Variants in KCND3 observed in about 807,000 individuals in gnomAD.
KCND3 encodes the protein A-type voltage-gated potassium channel KCND3.
KCND3 carries 9 observed loss-of-function variants against 51.1 expected under a neutral mutation model. The ratio of observed to expected loss-of-function variants is 0.18; its 90% CI spans 0.11 to 0.31. The LOEUF (loss-of-function observed/expected upper bound fraction) is 0.31, where lower values mean the gene tolerates loss of function less well. Ranked by LOEUF, KCND3 falls within the 10% of genes least tolerant of loss-of-function variation. The pLI is 1.00. For synonymous variants in KCND3, 349 were observed against 368.0 expected, an observed-to-expected ratio of 0.95 and a Z score of 0.59; for missense variants, 526 against 903.8, an observed-to-expected ratio of 0.58 and a Z score of 5.36.
intron 2 of KCND3, among the ~76,000 whole-genome samples, chr1:111,865,142 G>A (rs1668501242): frequency 1.3e-5 from 2 of 152,206 alleles, no homozygotes; most frequent in African/African-American, 4.8e-5. Context: ...ACTTTAAGCT[G>A]TTATATTCAC....
rs1675037748 is a variant in KCND3 at position 111,982,782 on chromosome 1, A to C, written c.-56T>G. The C allele has an allele frequency of 1.3e-6, 2 of 1,558,208 alleles. No individual in the cohort carries two copies. Among genetic ancestry groups the C allele is most frequent in the East Asian group, 2.4e-5 (1 of 42,314 alleles). ...GCGGACGCTAGGCACACCAGCTTGG[A>C]GTTAGTTCAGCAAACCCTGGGAGAC... On this transcript the variant is annotated 5_prime_UTR_variant, in exon 2 of 8. Coordinates refer to ENST00000302127, the MANE Select transcript of KCND3 (RefSeq NM_001378969.1). The surrounding 1 kb of genome is among the most constrained non-coding windows in gnomAD (Gnocchi z 8.5).
At chr1:111,856,150 G>A (rs1394889504) in intron 2 of KCND3, among the ~76,000 whole-genome samples, 4 of 152,258 alleles carry the variant, frequency 2.6e-5, no homozygotes, top group African/African-American at 9.6e-5. Context: ...CTCTGCACCT[G>A]CCTTGCAGGG....
intron 2 of KCND3, among the ~76,000 whole-genome samples, chr1:111,830,074 G>A (rs866199602): frequency 3.3e-5 from 5 of 152,100 alleles, no homozygotes; most frequent in East Asian, 1.9e-4. Context: ...CGTCAGCAGC[G>A]TGGATCTATA....
chr1:111,812,188 G>A (rs60237243), intron 2 of KCND3, among the ~76,000 whole-genome samples: 12,449 of 152,222 alleles, frequency 0.082, 898 homozygotes, highest in African/African-American at 0.18. Context: ...GATCTTCACC[G>A]ACAGTGATGA....
intron 2 of KCND3, among the ~76,000 whole-genome samples, chr1:111,818,191 G>T (rs1317421213): frequency 6.6e-6 from 1 of 152,286 alleles, no homozygotes; most frequent in East Asian, 1.9e-4. Context: ...CAGTTGGTGT[G>T]GGGAGGGGAT....
chr1:111,981,803 C>T lies in KCND3; in HGVS notation c.924G>A (p.Arg308=). Residue 308 remains arginine, a synonymous_variant, in exon 2 of 8, where the codon CGG becomes CGA. Coordinates refer to ENST00000302127, the MANE Select transcript of KCND3 (RefSeq NM_001378969.1). This position sits in a 1 kb window ranked among gnomAD's most constrained non-coding sequence, Gnocchi z 6.2. ...FKFSRHSQGL[R]ILGYTLKSCA... ...AGCTCTTCAGTGTGTAGCCCAGGAT[C>T]CGCAGGCCCTGGGAGTGGCGGGAAA... is the stretch of plus-strand genomic sequence containing the variant. The T allele has an allele frequency of 3.7e-6, 6 of 1,614,102 alleles. No homozygotes were observed. The highest frequency in any genetic ancestry group is 5.1e-6 in the Non-Finnish European group (6 of 1,180,018).
chr1:111,798,039 T>C (rs1212183986), intron 2 of KCND3, among the ~76,000 whole-genome samples: 1 of 152,052 alleles, frequency 6.6e-6, no homozygotes, highest in African/African-American at 2.4e-5. Context: ...GATAGGTACT[T>C]ATTGTACCTA....
At chr1:111,930,422 C>T (rs145027407) in intron 2 of KCND3, among the ~76,000 whole-genome samples, 3 of 152,360 alleles carry the variant, frequency 2.0e-5, no homozygotes, top group Non-Finnish European at 2.9e-5. Flanking sequence ...CAGGTTCTCT[C>T]TGCAGGAAGG....
At chr1:111,879,002 A>C (rs1210781540) in intron 2 of KCND3, among the ~76,000 whole-genome samples, 1 of 152,204 alleles carries the variant, frequency 6.6e-6, no homozygotes, top group East Asian at 1.9e-4. Flanking sequence ...AAAGAAGAGA[A>C]AATTCTTCCT....
chr1:111,790,289 C>T (rs191532687), intron 2 of KCND3, among the ~76,000 whole-genome samples: 153 of 152,192 alleles, frequency 1.0e-3, no homozygotes, highest in Non-Finnish European at 2.0e-3. Context: ...AGGGTTGTTG[C>T]GATAATTAAT....
Position 111,771,526 on chromosome 1 carries a change from T to A in KCND3, c.*4551A>T, listed in dbSNP as rs899451158. ...GTGGGAGACTGGAAAACTGGAATTCTTTAGTAACCTCGAAATCTAGTGTTA... is the reference window on the plus strand; with the variant it reads ...GTGGGAGACTGGAAAACTGGAATTCATTAGTAACCTCGAAATCTAGTGTTA... On this transcript the variant is annotated 3_prime_UTR_variant, in exon 8 of 8. Coordinates refer to ENST00000302127, the MANE Select transcript of KCND3 (RefSeq NM_001378969.1). 1 of 152,228 alleles carries A rather than the reference T, an allele frequency of 6.6e-6. No individual in the cohort carries two copies. The highest frequency in any genetic ancestry group is 1.5e-5 in the Non-Finnish European group (1 of 68,030). The allele number at this position is 152,228 out of a possible 1,614,324, so 9.4% of individuals were successfully genotyped here. A position where few individuals can be genotyped will look rare whatever the true frequency, so the allele number is the denominator to read the frequency against.
intron 2 of KCND3, among the ~76,000 whole-genome samples, chr1:111,961,065 G>C (rs924936161): frequency 7.2e-5 from 11 of 152,224 alleles, no homozygotes; most frequent in Non-Finnish European, 1.2e-4. Flanking sequence ...TACAGCACAG[G>C]GGTGAAGCTC....
At chr1:111,797,420 T>C (rs1185321300) in intron 2 of KCND3, among the ~76,000 whole-genome samples, 1 of 152,128 alleles carries the variant, frequency 6.6e-6, no homozygotes, top group African/African-American at 2.4e-5. Context: ...TGGCCAGTAC[T>C]TTCCCCCCCA....
At chr1:111,941,883 A>C (rs1192846656) in intron 2 of KCND3, among the ~76,000 whole-genome samples, 1 of 152,224 alleles carries the variant, frequency 6.6e-6, no homozygotes. Flanking sequence ...AAGAGGCCCC[A>C]TCAGTCAGCC....
chr1:111,916,101 C>G (rs549723336), intron 2 of KCND3, among the ~76,000 whole-genome samples: 1 of 152,138 alleles, frequency 6.6e-6, no homozygotes, highest in Non-Finnish European at 1.5e-5. Context: ...CTAGAACACT[C>G]GAACCAACAA....
intron 1 of KCND3, among the ~76,000 whole-genome samples, 108 bp downstream of exon 1, chr1:111,989,397 C>A (rs1675507837): frequency 6.6e-6 from 1 of 152,098 alleles, no homozygotes; most frequent in Non-Finnish European, 1.5e-5. Context: ...GCCCACCCAC[C>A]CGGGCGCGGG....
At chr1:111,870,509 G>A (rs1055740777) in intron 2 of KCND3, among the ~76,000 whole-genome samples, 4 of 152,186 alleles carry the variant, frequency 2.6e-5, no homozygotes, top group African/African-American at 9.7e-5. Context: ...AGGGTCAGCT[G>A]ATGCCAGTGC....
At chr1:111,865,177 T>C (rs762566728) in intron 2 of KCND3, among the ~76,000 whole-genome samples, 50 of 152,352 alleles carry the variant, frequency 3.3e-4, no homozygotes, top group Non-Finnish European at 4.9e-4. Context: ...TTAATAGTTA[T>C]TGAGTAGCCA....
chr1:111,849,635 C>T (rs2101660380), intron 2 of KCND3, among the ~76,000 whole-genome samples: 1 of 152,348 alleles, frequency 6.6e-6, no homozygotes, highest in East Asian at 1.9e-4. Context: ...ACTGGTACAA[C>T]TGTGCAGGTC....
Sources: allele counts gnomAD v4.1 joint callset (sites outside exome capture counted in the v4.1 genomes callset), GRCh38; gene constraint gnomAD v4.1.1; non-coding constraint Gnocchi (gnomAD v3.1); transcripts MANE v1.5; gene names NCBI Gene and HGNC (gene_info 2026-07-23, HGNC 2026-07-21).